EHBP1: variants seen among roughly 807,000 people sequenced by gnomAD.
EHBP1 encodes the protein EH domain-binding protein 1.
A neutral mutation model predicts 144.0 loss-of-function variants in EHBP1; 55 were observed. The observed-to-expected ratio is 0.38, with a 90% CI of 0.31 to 0.48. The LOEUF is 0.48. Ranked by LOEUF, EHBP1 falls within the 20% of genes least tolerant of loss-of-function variation. The pLI is 0.98. For missense variants in EHBP1, 1,200 were observed against 1,364.2 expected (o/e 0.88, Z 1.90); for synonymous variants, 469 against 472.7 (o/e 0.99, Z 0.10).
At chr2:62,887,196 C>T (rs200353205) in intron 10 of EHBP1, among the ~76,000 whole-genome samples, 1 of 152,008 alleles carries the variant, frequency 6.6e-6, no homozygotes, top group Non-Finnish European at 1.5e-5. Context: ...AAGGAAGGGA[C>T]AAAAATAGCC....
At chr2:63,021,295 A>G (rs1209476664) in intron 19 of EHBP1, among the ~76,000 whole-genome samples, 2 of 152,038 alleles carry the variant, frequency 1.3e-5, no homozygotes, top group African/African-American at 2.4e-5. Flanking sequence ...AATTTGACAT[A>G]AGGCTAGAGA....
At position 63,026,470 on chromosome 2, in the gene EHBP1, T is replaced by A. The variant is rs145070614; in HGVS notation, c.3104-11065T>A. Among the ~76,000 whole-genome samples, 549 of 152,272 alleles carry A rather than the reference T, an allele frequency of 3.6e-3. 4 individuals carry two copies. Among genetic ancestry groups the A allele is most frequent in the African/African-American group, 0.013 (520 of 41,540 alleles). ...GCTTTACATATTTGAATTCATTTAG[T>A]CTTCACAGAACTCTATGAAATAGTA... On this transcript the variant is annotated intron_variant, in intron 19 of 22. Transcript: ENST00000431489.
At chr2:62,903,805 G>A (rs1332407858) in intron 10 of EHBP1, among the ~76,000 whole-genome samples, 1 of 151,910 alleles carries the variant, frequency 6.6e-6, no homozygotes, top group Non-Finnish European at 1.5e-5. Context: ...AGAAGGAGAA[G>A]GAGAAGAAAC....
intron 10 of EHBP1, among the ~76,000 whole-genome samples, chr2:62,916,592 CAA>C (rs1366110061): frequency 2.6e-5 from 3 of 114,842 alleles, no homozygotes; most frequent in Non-Finnish European, 1.8e-5. Flanking sequence ...GACTCTGTCT[CAA>C]AAAAAAAAAA....
intron 5 of EHBP1, among the ~76,000 whole-genome samples, chr2:62,808,232 T>C (rs2044668775): frequency 6.6e-6 from 1 of 151,612 alleles, no homozygotes; most frequent in African/African-American, 2.4e-5. Context: ...TTTTTTTTTT[T>C]TCCTCTGCTT....
chr2:62,835,500 G>A (rs757614072), intron 7 of EHBP1, among the ~76,000 whole-genome samples: 23 of 152,190 alleles, frequency 1.5e-4, no homozygotes, highest in Non-Finnish European at 2.1e-4. Flanking sequence ...CAAGATGGCC[G>A]AATAGGAACA....
In EHBP1 at chr2:62,864,920, G is replaced by A. The variant is rs753677868; in HGVS notation, c.947G>A (p.Ser316Asn). 14 of 1,613,848 alleles carry A rather than the reference G, an allele frequency of 8.7e-6. No individual in the cohort carries two copies. In the South Asian group the frequency reaches 1.3e-4, roughly 15 times the overall value. The change falls in exon 9 of 23, where the codon AGC (serine) becomes AAC (asparagine). Residue 316 changes from serine to asparagine, a missense_variant. Physicochemically the swap from Ser to Asn is conservative, Grantham distance 46. Coordinates refer to ENST00000431489, the MANE Select transcript of EHBP1 (RefSeq NM_001142616.3). ...AAAAATATAAGACCTGTGGATATGA[G>A]CAAGTACCTCTATGCTGATAGTTCT... ...KRKNIRPVDM[S>N]KYLYADSSKT...
intron 15 of EHBP1, among the ~76,000 whole-genome samples, chr2:62,990,105 AT>A (rs1479614760): frequency 4.6e-5 from 7 of 152,134 alleles, no homozygotes; most frequent in Non-Finnish European, 1.0e-4. Context: ...ATTATGAAAG[AT>A]TAATGTACAT....
chr2:62,752,490 T>C (rs1038705818), intron 3 of EHBP1, among the ~76,000 whole-genome samples: 2 of 152,208 alleles, frequency 1.3e-5, no homozygotes, highest in African/African-American at 4.8e-5. Flanking sequence ...AGATGTCTAT[T>C]AGGTCTGCTT....
At chr2:63,029,795 A>G (rs2061154635) in intron 19 of EHBP1, among the ~76,000 whole-genome samples, 1 of 152,146 alleles carries the variant, frequency 6.6e-6, no homozygotes, top group Non-Finnish European at 1.5e-5. Context: ...GCAGTGGCGC[A>G]GTCTCAGCTC....
At chr2:63,019,974 A>C (rs1319896987) in intron 19 of EHBP1, among the ~76,000 whole-genome samples, 2 of 151,436 alleles carry the variant, frequency 1.3e-5, no homozygotes, top group Non-Finnish European at 2.9e-5. Flanking sequence ...GGATTGCCTG[A>C]GGTCAGGAAT....
intron 2 of EHBP1, among the ~76,000 whole-genome samples, chr2:62,719,783 A>T (rs2036037221): frequency 6.6e-6 from 1 of 152,214 alleles, no homozygotes; most frequent in Non-Finnish European, 1.5e-5. Flanking sequence ...ATACAGGAGG[A>T]TGTCCATAGG....
intron 1 of EHBP1, among the ~76,000 whole-genome samples, chr2:62,685,214 G>A (rs145279923): frequency 0.02 from 3,080 of 152,124 alleles, 53 homozygotes; most frequent in Non-Finnish European, 0.034. Flanking sequence ...TGAGGTAATG[G>A]ATATATTAAG....
At chr2:62,747,732 G>A (rs754047404) in intron 3 of EHBP1, among the ~76,000 whole-genome samples, 6 of 151,882 alleles carry the variant, frequency 4.0e-5, no homozygotes, top group Non-Finnish European at 5.9e-5. Context: ...AAAAGTAATT[G>A]CGGTTTTGCC....
intron 5 of EHBP1, among the ~76,000 whole-genome samples, chr2:62,781,329 A>AT (rs2042413318): frequency 6.6e-6 from 1 of 152,022 alleles, no homozygotes; most frequent in Non-Finnish European, 1.5e-5. Context: ...ATAATTTTTT[A>AT]TTTTTTTGGA....
intron 2 of EHBP1, chr2:62,726,728 C>T (rs1432165884): frequency 6.6e-6 from 1 of 152,168 alleles, no homozygotes; most frequent in African/African-American, 2.4e-5. Context: ...ATTGAGATAA[C>T]TCACTACCAG....
chr2:62,859,032 T>A, intron 7 of EHBP1, 137 bp from the exon 8 acceptor site: 1 of 728,496 alleles, frequency 1.4e-6, no homozygotes, highest in South Asian at 3.7e-5. Context: ...TGAATGGCAT[T>A]CTGTCATTGG....
At chr2:62,682,592 C>T (rs2033569098) in intron 1 of EHBP1, among the ~76,000 whole-genome samples, 1 of 152,068 alleles carries the variant, frequency 6.6e-6, no homozygotes, top group African/African-American at 2.4e-5. Flanking sequence ...ATGTGATAAA[C>T]TGATTGACAA....
chr2:63,020,717 C>T (rs1052758246), intron 19 of EHBP1, among the ~76,000 whole-genome samples: 42 of 150,866 alleles, frequency 2.8e-4, no homozygotes, highest in Non-Finnish European at 5.3e-4. Context: ...CTTGCTCAGT[C>T]GCCTAGGCTG....
Sources: allele counts gnomAD v4.1 joint callset (sites outside exome capture counted in the v4.1 genomes callset), GRCh38; gene constraint gnomAD v4.1.1; transcripts MANE v1.5; gene names NCBI Gene and HGNC (gene_info 2026-07-23, HGNC 2026-07-21).